Variants in DMD observed in about 807,000 individuals in gnomAD.
DMD encodes dystrophin.
A neutral mutation model predicts 330.1 loss-of-function variants in DMD; 63 were observed. The observed-to-expected ratio is 0.19, with a 90% confidence interval of 0.16 to 0.24. The LOEUF (loss-of-function observed/expected upper bound fraction) is 0.24, where lower values mean the gene tolerates loss of function less well. Ranked by LOEUF, DMD falls within the 10% of genes least tolerant of loss-of-function variation. The pLI is 1.00. For synonymous variants in DMD, 1,223 were observed against 959.8 expected (o/e 1.27, Z -5.07); for missense variants, 3,344 against 2,684.1 (o/e 1.25, Z -5.43).
At chrX:33,294,148 A>G (rs2053552336) in intron 1 of DMD, among the ~76,000 whole-genome samples, 1 of 111,619 alleles carries the variant, frequency 9.0e-6, no homozygotes, top group Admixed American at 9.6e-5. Flanking sequence ...ATTGTTGCTC[A>G]AATGTCATTA....
chrX:32,579,565 C>A (rs896829362), intron 13 of DMD, among the ~76,000 whole-genome samples: 6 of 112,452 alleles, frequency 5.3e-5, no homozygotes, highest in Non-Finnish European at 9.4e-5. Context: ...AGTGAGATAT[C>A]CAGATGCCGA....
intron 25 of DMD, among the ~76,000 whole-genome samples, chrX:32,458,452 C>T (rs1162086328): frequency 9.0e-6 from 1 of 111,187 alleles, no homozygotes; most frequent in Non-Finnish European, 1.9e-5. Context: ...CTGCTGTAAA[C>T]ATAGGGGTGC....
chrX:32,969,027 CAAAAAAAAAAAAA>C (rs142087164), intron 2 of DMD, among the ~76,000 whole-genome samples: 2 of 19,813 alleles, frequency 1.0e-4, no homozygotes, highest in African/African-American at 1.6e-4. Flanking sequence ...GATTCTGTCT[CAAAAAAAAAAAAA>C]AAAAAAAAAA....
chrX:31,722,606 C>G (rs964764909), intron 52 of DMD, among the ~76,000 whole-genome samples: 1 of 111,375 alleles, frequency 9.0e-6, no homozygotes, highest in African/African-American at 3.3e-5. Context: ...GAAACCTGGT[C>G]TACCTAAACA....
intron 45 of DMD, among the ~76,000 whole-genome samples, chrX:31,959,029 C>T: frequency 9.0e-6 from 1 of 111,398 alleles, no homozygotes; most frequent in Middle Eastern, 4.6e-3. Flanking sequence ...TAGAATTGTC[C>T]CTTCATTCCC....
rs139353501 is a variant in DMD, at chrX:32,300,695, T to C, written c.6117+9387A>G. ...GCAAAGGGGGTTTTATAGAAGTAAG[T>C]ACTTTTCTCTTAGTTCAAAATATAT... On this transcript the variant is annotated intron_variant, in intron 42 of 78. Transcript: ENST00000357033. Among the ~76,000 whole-genome samples the C allele has an allele frequency of 2.6e-3, 291 of 111,328 alleles. 1 individual carries two copies. Among genetic ancestry groups the C allele is most frequent in the African/African-American group, 9.1e-3 (279 of 30,740 alleles).
At chrX:32,762,156 A>C (rs995593047) in intron 7 of DMD, among the ~76,000 whole-genome samples, 1 of 103,862 alleles carries the variant, frequency 9.6e-6, no homozygotes, top group Non-Finnish European at 2.0e-5. Context: ...GTCTCAAAAA[A>C]AGAAAAAAAA....
rs190140654 is a variant in DMD at position 31,651,495 on chromosome X, T to C, written c.8027+6495A>G. Among the ~76,000 whole-genome samples, 7 of 111,831 alleles carry C rather than the reference T, an allele frequency of 6.3e-5. No homozygotes were observed. The East Asian group carries it at 1.7e-3, about 27-fold the overall frequency. ...TTGTTACAACTCCCAACTTTGTATC[T>C]TGAGCTACTCCCCATAACTTAAGAT... On this transcript the variant is annotated intron_variant, in intron 54 of 78. Coordinates refer to ENST00000357033, the MANE Select transcript of DMD (RefSeq NM_004006.3).
At chrX:32,904,804 G>A (rs1028418845) in intron 2 of DMD, among the ~76,000 whole-genome samples, 2 of 111,978 alleles carry the variant, frequency 1.8e-5, no homozygotes, top group Non-Finnish European at 3.8e-5. Flanking sequence ...TTGAACTCCT[G>A]ACCTCAGGTA....
intron 18 of DMD, among the ~76,000 whole-genome samples, chrX:32,512,072 A>C: frequency 8.9e-6 from 1 of 111,978 alleles, no homozygotes; most frequent in Non-Finnish European, 1.9e-5. Flanking sequence ...TAAATGCAAA[A>C]TAAAAGGCAA....
chrX:31,148,984 A>G (rs924873623), intron 74 of DMD, among the ~76,000 whole-genome samples: 5 of 112,214 alleles, frequency 4.5e-5, no homozygotes, highest in Non-Finnish European at 9.4e-5. Flanking sequence ...TGCTTATGGC[A>G]TCCTATGGTA....
intron 60 of DMD, among the ~76,000 whole-genome samples, chrX:31,385,422 G>T (rs1195889532): frequency 1.8e-5 from 2 of 111,792 alleles, no homozygotes; most frequent in Non-Finnish European, 3.8e-5. Flanking sequence ...TGTTTAAGTG[G>T]TAAGCATCCA....
intron 52 of DMD, among the ~76,000 whole-genome samples, chrX:31,698,560 T>G (rs182912718): frequency 8.9e-6 from 1 of 112,157 alleles, no homozygotes; most frequent in Non-Finnish European, 1.9e-5. Context: ...TATTAAGATA[T>G]GTCCCTTCTA....
chrX:32,035,487 T>C (rs2095935857), intron 44 of DMD: 1 of 263,998 alleles, frequency 3.8e-6, no homozygotes, highest in Admixed American at 4.8e-5. Context: ...GGATGTGTGA[T>C]ATGACTGATC....
chrX:32,814,631 T>A (rs182168353), intron 6 of DMD, among the ~76,000 whole-genome samples: 80 of 112,132 alleles, frequency 7.1e-4, no homozygotes, highest in African/African-American at 2.3e-3. Flanking sequence ...AGAGAGTTAC[T>A]GATGATTCAT....
At chrX:31,274,835 T>C (rs1403332438) in intron 62 of DMD, among the ~76,000 whole-genome samples, 4 of 111,706 alleles carry the variant, frequency 3.6e-5, no homozygotes, top group African/African-American at 1.3e-4. Flanking sequence ...TTTTTCTTTA[T>C]GGTTGGTAAA....
intron 1 of DMD, among the ~76,000 whole-genome samples, chrX:33,021,585 C>T (rs1031295747): frequency 1.8e-5 from 2 of 111,287 alleles, no homozygotes; most frequent in Non-Finnish European, 3.8e-5. Flanking sequence ...GAATCACTTT[C>T]GCATAACAAA....
At chrX:31,310,441 G>T (rs971759000) in intron 62 of DMD, among the ~76,000 whole-genome samples, 1 of 109,312 alleles carries the variant, frequency 9.1e-6, no homozygotes, top group African/African-American at 3.3e-5. Flanking sequence ...AAGTAAGAGC[G>T]AGAAAAAACA....
At chrX:32,984,621 A>C (rs767522632) in intron 2 of DMD, among the ~76,000 whole-genome samples, 8 of 112,031 alleles carry the variant, frequency 7.1e-5, no homozygotes, top group Admixed American at 1.9e-4. Flanking sequence ...TACTTAGGAT[A>C]GTTATGTGCT....
Sources: allele counts gnomAD v4.1 joint callset (sites outside exome capture counted in the v4.1 genomes callset), GRCh38; gene constraint gnomAD v4.1.1; transcripts MANE v1.5; gene names NCBI Gene and HGNC (gene_info 2026-07-23, HGNC 2026-07-21).